Variants in VPS13D observed in about 807,000 individuals in gnomAD.
The protein encoded by VPS13D is intermembrane lipid transfer protein VPS13D.
Under a neutral mutation model 461.9 loss-of-function variants are expected in VPS13D, and 187 were observed. The ratio of observed to expected loss-of-function variants is 0.40; its 90% confidence interval spans 0.36 to 0.46. VPS13D has a LOEUF of 0.46. VPS13D is among the 20% of genes least tolerant of loss of function. The pLI is 0.60. For missense variants in VPS13D, 4,711 were observed against 5,364.9 expected (o/e 0.88, Z 3.81); for synonymous variants, 1,951 against 1,986.3 (o/e 0.98, Z 0.47).
rs1391218200 is a variant in VPS13D, at chr1:12,358,462, C to T, written c.10002C>T (p.Cys3334=). ...CYADKEQPNL[C]TMRIGRGIHP... is the part of the protein sequence containing the mutation. ...TCTTTGCTTTTCTGCCCCACAGCTG[C>T]ACGATGAGAATCGGAAGGGGGATTC... Residue 3334 remains cysteine (C), a synonymous_variant, in exon 50 of 70, where the codon TGC becomes TGT. Transcript: ENST00000620676. 1 of 1,614,034 alleles carries T rather than the reference C, an allele frequency of 6.2e-7. No individual in the cohort carries two copies. Among genetic ancestry groups the T allele is most frequent in the African/African-American group, 1.3e-5 (1 of 75,032 alleles).
intron 1 of VPS13D, among the ~76,000 whole-genome samples, chr1:12,230,904 G>T (rs1320393866): frequency 1.3e-5 from 2 of 152,118 alleles, no homozygotes; most frequent in African/African-American, 4.8e-5. Context: ...GGTTCCGAGA[G>T]CTGGGGGCGG....
intron 23 of VPS13D, among the ~76,000 whole-genome samples, chr1:12,291,790 A>G (rs562786890): frequency 6.6e-6 from 1 of 152,376 alleles, no homozygotes; most frequent in East Asian, 1.9e-4. Flanking sequence ...CTGAATCATT[A>G]GAACATTTCT....
chr1:12,293,468 A>G, intron 23 of VPS13D, 56 bp from the exon 24 acceptor site: 1 of 1,482,996 alleles, frequency 6.7e-7, no homozygotes, highest in Non-Finnish European at 9.0e-7. Flanking sequence ...AGTTTTCTTG[A>G]AATACTAACT....
intron 26 of VPS13D, among the ~76,000 whole-genome samples, chr1:12,305,621 G>A (rs1485143215): frequency 6.6e-6 from 1 of 152,122 alleles, no homozygotes; most frequent in Non-Finnish European, 1.5e-5. Flanking sequence ...TTCTGGATGA[G>A]TCATGTGCCC....
intron 53 of VPS13D, among the ~76,000 whole-genome samples, chr1:12,369,000 T>G (rs540662434): frequency 2.6e-4 from 40 of 152,332 alleles, no homozygotes; most frequent in Non-Finnish European, 4.9e-4. Flanking sequence ...ATGGAAATCA[T>G]TAGATTTTAT....
In VPS13D at chr1:12,334,880, C is replaced by T. The variant is rs546958541; in HGVS notation, c.8429-825C>T. Among the ~76,000 whole-genome samples, 9 of 152,312 alleles carry T rather than the reference C, an allele frequency of 5.9e-5. No homozygotes were observed. The East Asian group carries it at 1.5e-3, about 26-fold the overall frequency. Reference sequence around the variant, plus strand: ...CGAATACTATACTGAAACCCAGAAACGTAGCTATGACCTCTTGTGTTTAAA... The same window carrying T: ...CGAATACTATACTGAAACCCAGAAATGTAGCTATGACCTCTTGTGTTTAAA... On this transcript the variant is annotated intron_variant, in intron 38 of 69. Transcript: ENST00000620676.
At position 12,355,994 on chromosome 1, in the gene VPS13D, C is replaced by A. The variant is rs1161255678; in HGVS notation, c.9775C>A (p.Arg3259Ser). The change falls in exon 48 of 70, where the codon CGT (arginine) becomes AGT (serine). Residue 3259 changes from arginine (R) to serine (S), a missense_variant. Physicochemically the swap from Arg to Ser is moderately radical, Grantham distance 110 (BLOSUM62 -1). This residue lies in a region of VPS13D where 4,411 missense variants were observed against 4,937.8 expected (regional missense o/e 0.89). Transcript: ENST00000620676. ...GAGAATGCGACTCTATGACGTCAAC[C>A]GTCGGCAGCTGAACCTCACCATCCG... ...MVRMRLYDVN[R>S]RQLNLTIRIV... The A allele has an allele frequency of 3.7e-6, 6 of 1,613,976 alleles. No individual in the cohort carries two copies. Among genetic ancestry groups the A allele is most frequent in the Non-Finnish European group, 5.1e-6 (6 of 1,179,986 alleles).
intron 52 of VPS13D, among the ~76,000 whole-genome samples, chr1:12,364,308 A>G (rs1208605534): frequency 6.6e-6 from 1 of 152,128 alleles, no homozygotes; most frequent in African/African-American, 2.4e-5. Flanking sequence ...GTTTAATCAT[A>G]CGGTATTTGT....
At chr1:12,322,827 A>C in intron 34 of VPS13D, 81 bp downstream of exon 34, 1 of 1,171,098 alleles carries the variant, frequency 8.5e-7, no homozygotes, top group Non-Finnish European at 1.2e-6. Context: ...CTTTTGCACA[A>C]CTAAATTGTA....
chr1:12,312,611 C>G (rs1302055831), intron 29 of VPS13D, among the ~76,000 whole-genome samples: 1 of 152,074 alleles, frequency 6.6e-6, no homozygotes, highest in Non-Finnish European at 1.5e-5. Flanking sequence ...AATTAAAAAA[C>G]TAGCTGCGCA....
rs1642979304 is a variant in VPS13D at position 12,319,571 on chromosome 1, C to T, written c.7489C>T (p.Leu2497Phe). 2.5e-6 allele frequency: 4 copies of T among 1,614,084 alleles called. No individual in the cohort carries two copies. Among genetic ancestry groups the T allele is most frequent in the Non-Finnish European group, 3.4e-6 (4 of 1,180,044 alleles). The change falls in exon 32 of 70, where the codon CTC becomes TTC. Residue 2497 changes from leucine (L) to phenylalanine (F), a missense_variant. By Grantham distance (22) the Leu-to-Phe change is conservative. This residue lies in a region of VPS13D where 4,411 missense variants were observed against 4,937.8 expected (regional missense o/e 0.89). Transcript: ENST00000620676. The part of the protein sequence containing the change: ...NAIILKGTTV[L>F]TYKPRFVDRP... ...CATTATTCTGAAAGGCACCACAGTG[C>T]TCACCTATAAGCCCCGGTTTGTTGA...
chr1:12,403,675 A>G, intron 62 of VPS13D, 150 bp from the exon 63 acceptor site: 1 of 674,746 alleles, frequency 1.5e-6, no homozygotes, highest in African/African-American at 1.8e-5. Flanking sequence ...AGAATACTAT[A>G]CACGTCACTG....
intron 54 of VPS13D, among the ~76,000 whole-genome samples, chr1:12,372,800 CTT>C (rs764284126): frequency 0.025 from 3,183 of 126,674 alleles, 85 homozygotes; most frequent in Admixed American, 0.1. Flanking sequence ...AATCCATTAC[CTT>C]TTTTTTTTTT....
rs138041146 is a variant in VPS13D at position 12,299,897 on chromosome 1, G to A, written c.6216+513G>A. Among the ~76,000 whole-genome samples the A allele has an allele frequency of 6.0e-3, 897 of 149,470 alleles. 5 individuals carry two copies. The highest frequency in any genetic ancestry group is 7.6e-3 in the Non-Finnish European group (517 of 67,622). ...TGCTTTACAGTTTTAAATTACTGTG[G>A]CACCTTTTTTTTTTTTTCAACTTTT... is the stretch of plus-strand genomic sequence containing the variant. On this transcript the variant is annotated intron_variant, in intron 25 of 69. Transcript: ENST00000620676. This position sits in a 1 kb window ranked among gnomAD's most constrained non-coding sequence, Gnocchi z 4.2.
Position 12,277,744 on chromosome 1 carries a change from G to C in VPS13D, c.4156G>C (p.Val1386Leu). The C allele has an allele frequency of 6.2e-7, 1 of 1,614,228 alleles. No homozygotes were observed. Among genetic ancestry groups the C allele is most frequent in the Non-Finnish European group, 8.5e-7 (1 of 1,180,032 alleles). ...ILNINIESPVVSIPRKPGSPE... is the reference protein window; with the variant it reads ...ILNINIESPVLSIPRKPGSPE... ...GAACATAAACATTGAATCACCAGTT[G>C]TTTCTATCCCTCGGAAGCCGGGGAG... Residue 1386 changes from valine (V) to leucine (L), a missense_variant, in exon 19 of 70, where the codon GTT (valine) becomes CTT (leucine). Around this residue, in one of 3 missense-constraint regions of VPS13D, gnomAD observed 4,411 missense variants for 4,937.8 expected, o/e 0.89. Coordinates refer to ENST00000620676, the MANE Select transcript of VPS13D (RefSeq NM_015378.4).
chr1:12,373,849 A>T lies in VPS13D; in HGVS notation c.10908A>T (p.Leu3636Phe). ...DVSPKTQRVI[L>F]KKKEPGKRSQ... Reference sequence around the variant, plus strand: ...CACCCAAGACACAAAGAGTCATTTTAAAAAAGAAGGTAAGAGAGCTTACAA... The same window carrying T: ...CACCCAAGACACAAAGAGTCATTTTTAAAAAGAAGGTAAGAGAGCTTACAA... Residue 3636 changes from leucine to phenylalanine, a missense_variant, in exon 55 of 70, where the codon TTA (leucine) becomes TTT (phenylalanine). Around this residue, in one of 3 missense-constraint regions of VPS13D, gnomAD observed 4,411 missense variants for 4,937.8 expected, o/e 0.89. Transcript: ENST00000620676. The T allele has an allele frequency of 6.2e-7, 1 of 1,604,006 alleles. No homozygotes were observed. The highest frequency in any genetic ancestry group is 8.5e-7 in the Non-Finnish European group (1 of 1,174,856).
chr1:12,383,380 G>A (rs894395091), intron 58 of VPS13D, among the ~76,000 whole-genome samples: 1 of 152,154 alleles, frequency 6.6e-6, no homozygotes, highest in Non-Finnish European at 1.5e-5. Context: ...GAAATATGTG[G>A]TAACCTAAAA....
At chr1:12,363,444 G>T (rs1643980613) in intron 52 of VPS13D, among the ~76,000 whole-genome samples, 197 bp downstream of exon 52, 1 of 152,136 alleles carries the variant, frequency 6.6e-6, no homozygotes, top group Non-Finnish European at 1.5e-5. Flanking sequence ...TTTGACCATG[G>T]TGTAATTGCT....
chr1:12,441,986 T>C (rs1645137340), intron 65 of VPS13D, among the ~76,000 whole-genome samples: 1 of 152,224 alleles, frequency 6.6e-6, no homozygotes, highest in South Asian at 2.1e-4. Context: ...TCATGTATTT[T>C]AGTTCTACTT....
Sources: gnomAD v4.1 joint callset for allele counts (sites outside exome capture counted in the v4.1 genomes callset) on GRCh38, gnomAD v4.1.1 for gene constraint, gnomAD v4.1.1 regional missense constraint, Gnocchi (gnomAD v3.1) non-coding constraint, MANE v1.5 for transcripts, NCBI Gene and HGNC (gene_info 2026-07-23, HGNC 2026-07-21) for gene names.